Variants in GPHN observed in about 807,000 individuals in gnomAD.
GPHN encodes the protein gephyrin.
A neutral mutation model predicts 95.5 loss-of-function variants in GPHN; 17 were observed. That is an observed-to-expected ratio of 0.18 (90% CI 0.12 to 0.27). The LOEUF (loss-of-function observed/expected upper bound fraction) is 0.27. GPHN is among the 10% of genes least tolerant of loss of function. GPHN has a pLI of 1.00. For synonymous variants in GPHN, 320 were observed against 322.5 expected, an observed-to-expected ratio of 0.99 and a Z score of 0.08; for missense variants, 660 against 978.1, an observed-to-expected ratio of 0.67 and a Z score of 4.34.
the GPHN span, among the ~76,000 whole-genome samples, chr14:67,304,392 C>T: frequency 1.2e-4 from 18 of 152,084 alleles, no homozygotes; most frequent in Non-Finnish European, 2.1e-4. Flanking sequence ...GTAGTAACAA[C>T]CCAAATGTCT....
chr14:67,143,543 C>T (rs1363659842), intron 18 of GPHN, 94 bp downstream of exon 18: 13 of 828,818 alleles, frequency 1.6e-5, no homozygotes, highest in Admixed American at 6.9e-5. Context: ...ATATTCATAA[C>T]GAGGCTCCCA....
At position 67,144,250 on chromosome 14, in the gene GPHN, A is replaced by AATATATAT. The variant is rs71129810; in HGVS notation, c.1836+831_1836+838dup. 3.8e-3 allele frequency among the ~76,000 whole-genome samples: 217 copies of AATATATAT among 57,704 alleles called. 1 individual carries two copies. The highest frequency in any genetic ancestry group is 9.4e-3 in the Middle Eastern group (1 of 106). The allele number at this position is 57,704 out of a possible 152,430, so 37.9% of individuals were successfully genotyped here. On this transcript the variant is annotated intron_variant, in intron 18 of 22. Transcript: ENST00000478722. ...AGACCCTGTCTTAAAAAAAAAAAAA[A>AATATATAT]ATATATATATATATATATATATATA...
the GPHN span, among the ~76,000 whole-genome samples, chr14:67,724,062 G>T: frequency 2.6e-5 from 4 of 152,240 alleles, no homozygotes; most frequent in African/African-American, 9.6e-5. Context: ...AGTTACTCAT[G>T]ATGATGGTTA....
At chr14:67,465,185 T>C in the GPHN span, among the ~76,000 whole-genome samples, 1 of 152,238 alleles carries the variant, frequency 6.6e-6, no homozygotes, top group Admixed American at 6.5e-5. Context: ...GTTTGTAAAC[T>C]GAAGGCAGAG....
At chr14:66,830,372 C>T (rs2061540609) in intron 4 of GPHN, among the ~76,000 whole-genome samples, 1 of 151,980 alleles carries the variant, frequency 6.6e-6, no homozygotes, top group African/African-American at 2.4e-5. Context: ...TAAAATATCC[C>T]TTATTCTAAA....
intron 9 of GPHN, among the ~76,000 whole-genome samples, chr14:66,977,189 T>C (rs1330257879): frequency 6.6e-6 from 1 of 152,150 alleles, no homozygotes; most frequent in African/African-American, 2.4e-5. Flanking sequence ...CCCAGTACTT[T>C]GGGAGGCCGA....
At chr14:67,701,162 G>A in the GPHN span, among the ~76,000 whole-genome samples, 1 of 151,872 alleles carries the variant, frequency 6.6e-6, no homozygotes, top group Non-Finnish European at 1.5e-5. Flanking sequence ...TCATGACTTG[G>A]GAATCATGTG....
chr14:67,474,027 G>C, the GPHN span: 1 of 1,393,438 alleles, frequency 7.2e-7, no homozygotes, highest in South Asian at 1.5e-5. Context: ...CCGAGGCGGC[G>C]GATCACTTGA....
At chr14:67,126,848 A>G (rs988631188) in intron 17 of GPHN, among the ~76,000 whole-genome samples, 3 of 151,732 alleles carry the variant, frequency 2.0e-5, no homozygotes, top group African/African-American at 4.8e-5. Context: ...AACCAACCCA[A>G]ATGTCCAACA....
At chr14:66,518,262 A>C (rs1342003289) in intron 1 of GPHN, among the ~76,000 whole-genome samples, 2 of 152,166 alleles carry the variant, frequency 1.3e-5, no homozygotes, top group Non-Finnish European at 2.9e-5. Flanking sequence ...ATCATCAGGA[A>C]AATGCAAATC....
At chr14:67,334,459 T>A in the GPHN span, 1 of 152,688 alleles carries the variant, frequency 6.5e-6, no homozygotes, top group East Asian at 1.9e-4. Flanking sequence ...GGAATAATAC[T>A]GACATCATTT....
intron 1 of GPHN, among the ~76,000 whole-genome samples, chr14:66,675,969 C>A (rs1401778507): frequency 1.3e-5 from 2 of 151,934 alleles, no homozygotes; most frequent in Non-Finnish European, 2.9e-5. Flanking sequence ...TTGTATCCTG[C>A]AACTTTACTG....
chr14:67,200,234 A>G, the GPHN span: 1 of 954,540 alleles, frequency 1.0e-6, no homozygotes, highest in Non-Finnish European at 1.5e-6. Context: ...CACAACCCAC[A>G]CCCTATGGCT....
chr14:67,020,352 C>T (rs989767585), intron 9 of GPHN, among the ~76,000 whole-genome samples: 3 of 152,150 alleles, frequency 2.0e-5, no homozygotes, highest in Non-Finnish European at 4.4e-5. Context: ...ACTTTAAACA[C>T]TGTGCTATTC....
chr14:66,630,488 T>C (rs568851129), intron 1 of GPHN, among the ~76,000 whole-genome samples: 2,834 of 152,204 alleles, frequency 0.019, 80 homozygotes, highest in African/African-American at 0.064. Context: ...TTGTTGTTGT[T>C]ATTTTTTTTT....
At chr14:67,519,217 TTGAC>T in the GPHN span, among the ~76,000 whole-genome samples, 4 of 152,200 alleles carry the variant, frequency 2.6e-5, no homozygotes, top group Non-Finnish European at 5.9e-5. Context: ...GTAGGATTCT[TTGAC>T]TGCAAGCAAT....
chr14:66,508,413 C>G lies in GPHN; in HGVS notation c.-115C>G, dbSNP rs1212653275. On this transcript the variant is annotated 5_prime_UTR_variant, in exon 1 of 23. Transcript: ENST00000478722. ...TCCCCCTCCTTCCCCGCTCTCCTCGCGCTTCTCTGGCTCCCTAGCTGTCGC... is the reference window on the plus strand; with the variant it reads ...TCCCCCTCCTTCCCCGCTCTCCTCGGGCTTCTCTGGCTCCCTAGCTGTCGC... The G allele has an allele frequency of 2.2e-6, 2 of 924,756 alleles. No homozygotes were observed. Among genetic ancestry groups the G allele is most frequent in the Non-Finnish European group, 3.6e-6 (2 of 554,578 alleles). 57.3% of individuals were successfully genotyped at this position (924,756 alleles called of 1,614,324 possible). A position where few individuals can be genotyped will look rare whatever the true frequency, so the allele number is the denominator to read the frequency against.
chr14:67,380,794 G>A, the GPHN span: 230,286 of 1,312,228 alleles, frequency 0.18, 33,706 homozygotes, highest in African/African-American at 0.65. Context: ...GATTTTTACA[G>A]TATTTTGCAT....
intron 18 of GPHN, among the ~76,000 whole-genome samples, chr14:67,147,996 AT>A (rs2080996658): frequency 2.0e-5 from 3 of 152,118 alleles, no homozygotes; most frequent in Non-Finnish European, 4.4e-5. Flanking sequence ...AGAAAAGCAC[AT>A]TTTTTCCTAA....
Sources: gnomAD v4.1 joint callset for allele counts (sites outside exome capture counted in the v4.1 genomes callset) on GRCh38, gnomAD v4.1.1 for gene constraint, MANE v1.5 for transcripts, NCBI Gene and HGNC (gene_info 2026-07-23, HGNC 2026-07-21) for gene names.